DNAH5: variants seen among roughly 807,000 people sequenced by gnomAD.
The protein encoded by DNAH5 is axonemal beta dynein heavy chain 5.
A neutral mutation model predicts 518.2 loss-of-function variants in DNAH5; 372 were observed. The observed-to-expected ratio is 0.72, with a 90% CI of 0.66 to 0.78. The LOEUF (loss-of-function observed/expected upper bound fraction) is 0.78. DNAH5 is among the 30% of genes least tolerant of loss of function. The pLI is 0.00. For synonymous variants in DNAH5, 2,039 were observed against 2,025.9 expected, an observed-to-expected ratio of 1.01 and a Z score of -0.17; for missense variants, 5,523 against 5,687.0, an observed-to-expected ratio of 0.97 and a Z score of 0.93.
intron 52 of DNAH5, among the ~76,000 whole-genome samples, chr5:13,782,416 C>A (rs1037430498): frequency 1.3e-5 from 2 of 152,188 alleles, no homozygotes; most frequent in African/African-American, 2.4e-5. Flanking sequence ...TGAGAACCTG[C>A]AGGACTGGTA....
chr5:13,872,052 G>T (rs1029735776), intron 22 of DNAH5, among the ~76,000 whole-genome samples: 3 of 152,164 alleles, frequency 2.0e-5, no homozygotes, highest in African/African-American at 4.8e-5. Context: ...GGCCCTCTTG[G>T]TTGGAGCTGG....
chr5:13,702,952 G>A (rs994979246), intron 76 of DNAH5, among the ~76,000 whole-genome samples: 8 of 151,802 alleles, frequency 5.3e-5, no homozygotes, highest in African/African-American at 1.7e-4. Flanking sequence ...ACGTCTGTAG[G>A]CTGCCCTCTC....
Position 13,811,712 on chromosome 5 carries a change from C to G in DNAH5, c.7342G>C (p.Glu2448Gln), listed in dbSNP as rs1174816983. The G allele has an allele frequency of 6.2e-7, 1 of 1,614,154 alleles. No homozygotes were observed. The highest frequency in any genetic ancestry group is 1.7e-5 in the Admixed American group (1 of 60,016). The change falls in exon 44 of 79, where the codon GAG becomes CAG. Residue 2448 changes from glutamate to glutamine, a missense_variant. By Grantham distance (29) the Glu-to-Gln change is conservative (BLOSUM62 2). Transcript: ENST00000265104. The part of the protein sequence containing the change: ...FCIQNLEYKM[E>Q]VLEAFVITQS... ...GTGATGACAAAGGCCTCCAGCACCT[C>G]CATCTTGTATTCTAAGTTCTGGATA...
intron 42 of DNAH5, among the ~76,000 whole-genome samples, chr5:13,816,411 G>A (rs982033001): frequency 3.3e-5 from 5 of 152,054 alleles, no homozygotes; most frequent in Admixed American, 2.0e-4. Flanking sequence ...TGCAACAACC[G>A]TGGGATAGTC....
intron 29 of DNAH5, among the ~76,000 whole-genome samples, chr5:13,860,811 T>A (rs534108430): frequency 6.6e-6 from 1 of 152,370 alleles, no homozygotes; most frequent in East Asian, 1.9e-4. Context: ...CCTACCTTTG[T>A]GTCTCTTCTT....
In DNAH5 at chr5:13,793,709, C is replaced by T. The variant is rs886043448; in HGVS notation, c.8030G>A (p.Arg2677Gln). 6.2e-6 allele frequency: 10 copies of T among 1,613,920 alleles called. No individual in the cohort carries two copies. The highest frequency in any genetic ancestry group is 1.3e-5 in the African/African-American group (1 of 74,906). The change falls in exon 49 of 79, where the codon CGA (arginine) becomes CAA (glutamine). Residue 2677 changes from arginine to glutamine, a missense_variant. By Grantham distance (43) the Arg-to-Gln change is conservative (BLOSUM62 1). This residue lies in a region of DNAH5 where 5,121 missense variants were observed against 5,223.3 expected (regional missense o/e 0.98). Coordinates refer to ENST00000265104, the MANE Select transcript of DNAH5 (RefSeq NM_001369.3). ...GAATCCATTTTGTTCCATCAGCTGT[C>T]GCACTATCTCATTCGTAACCTACAA... The part of the protein sequence containing the change: ...WGDQVTNEIV[R>Q]QLMEQNGFYN...
In DNAH5 at chr5:13,786,314, T is replaced by C. The variant is rs553405333; in HGVS notation, c.8685A>G (p.Lys2895=). 3.0e-5 allele frequency: 49 copies of C among 1,614,082 alleles called. No individual in the cohort carries two copies. The highest frequency in any genetic ancestry group is 4.0e-5 in the Non-Finnish European group (47 of 1,180,026). ...TAAAAGATTCAATTGGCTCATAAAT[T>C]TTAGGTGTTTCAGCATCAGCCTCTT... ...TSEEADAETP[K]IYEPIESFSH... The change falls in exon 52 of 79, where the codon AAA becomes AAG. Residue 2895 remains lysine (K), a synonymous_variant. Coordinates refer to ENST00000265104, the MANE Select transcript of DNAH5 (RefSeq NM_001369.3).
chr5:13,935,692 A>G (rs1025527810), intron 1 of DNAH5, among the ~76,000 whole-genome samples: 1 of 152,182 alleles, frequency 6.6e-6, no homozygotes, highest in East Asian at 1.9e-4. Flanking sequence ...ACAAATATTT[A>G]GCAATTAGAA....
At chr5:13,735,353 C>A in intron 67 of DNAH5, 32 bp from the exon 68 acceptor site, 1 of 1,592,476 alleles carries the variant, frequency 6.3e-7, no homozygotes, top group South Asian at 1.1e-5. Flanking sequence ...TCAGGCTTAT[C>A]CCACTGCCCT....
At chr5:13,915,075 G>A (rs942501659) in intron 9 of DNAH5, among the ~76,000 whole-genome samples, 3 of 152,086 alleles carry the variant, frequency 2.0e-5, no homozygotes, top group Non-Finnish European at 4.4e-5. Context: ...AAAGGAGAAG[G>A]CCGCAGAGAG....
rs36092508 is a variant in DNAH5, at chr5:13,769,247, GTT to G, written c.9721-113_9721-112del. The G allele has an allele frequency of 0.034, 25,071 of 735,682 alleles. 5 individuals carry two copies. The highest frequency in any genetic ancestry group is 0.04 in the Middle Eastern group (95 of 2,404). The allele number at this position is 735,682 out of a possible 1,614,324, so 45.6% of individuals were successfully genotyped here. ...TTTTGTTCACTTACCCAGTTTTGTT[GTT>G]TTTTTTTTTTTTTTTTGAGATGGAG... On this transcript the variant is annotated intron_variant, in intron 57 of 78. Coordinates refer to ENST00000265104, the MANE Select transcript of DNAH5 (RefSeq NM_001369.3).
chr5:13,911,332 G>T, intron 12 of DNAH5, 54 bp downstream of exon 12: 2 of 1,423,054 alleles, frequency 1.4e-6, no homozygotes, highest in Admixed American at 1.7e-5. Flanking sequence ...GCATTATACA[G>T]AAAGGAAAAA....
chr5:13,975,798 T>TG (rs1339232094), intron 1 of DNAH5, among the ~76,000 whole-genome samples: 1 of 152,248 alleles, frequency 6.6e-6, no homozygotes, highest in Non-Finnish European at 1.5e-5. Flanking sequence ...CCCAGACTCC[T>TG]GTGCAGCTAT....
intron 1 of DNAH5, among the ~76,000 whole-genome samples, chr5:13,985,812 G>T (rs1783014983): frequency 6.6e-6 from 1 of 152,076 alleles, no homozygotes; most frequent in Non-Finnish European, 1.5e-5. Flanking sequence ...TTAACAACAG[G>T]ATGCCCATGA....
At chr5:13,910,861 A>C in intron 12 of DNAH5, among the ~76,000 whole-genome samples, 1 of 152,232 alleles carries the variant, frequency 6.6e-6, no homozygotes, top group Non-Finnish European at 1.5e-5. Flanking sequence ...TGCTCATGTG[A>C]GCTGCAAGGC....
rs483353127 is a variant in DNAH5 at position 13,917,246 on chromosome 5, T to C, written c.986A>G (p.Glu329Gly). The C allele has an allele frequency of 1.7e-5, 27 of 1,613,424 alleles. No homozygotes were observed. In the Middle Eastern group the frequency reaches 2.5e-3, roughly 147 times the overall value. The change falls in exon 8 of 79, where the codon GAG (glutamate) becomes GGG (glycine). Residue 329 changes from glutamate (E) to glycine (G), a missense_variant. This residue lies in a region of DNAH5 where 5,121 missense variants were observed against 5,223.3 expected (regional missense o/e 0.98). Coordinates refer to ENST00000265104, the MANE Select transcript of DNAH5 (RefSeq NM_001369.3). Reference protein sequence around the residue: ...AKSKLLKTWREMDIRITDATN... With the variant: ...AKSKLLKTWRGMDIRITDATN... ...TGCATCAGTGATTCGAATATCCATC[T>C]CCCGCCAAGTCTAAGCACAATAGGG...
chr5:13,755,379 C>G lies in DNAH5; in HGVS notation c.10420-1041G>C, dbSNP rs371793611. Among the ~76,000 whole-genome samples the G allele has an allele frequency of 1.4e-4, 21 of 151,822 alleles. No individual in the cohort carries two copies. The South Asian group carries it at 3.1e-3, about 23-fold the overall frequency. On this transcript the variant is annotated intron_variant, in intron 61 of 78. Transcript: ENST00000265104. ...AAAATCCTATAAAAATTTTTATGAC[C>G]AAGAAAGCAGATCACAATATATTGT...
At chr5:13,885,934 A>G in intron 18 of DNAH5, 30 bp downstream of exon 18, 1 of 1,601,980 alleles carries the variant, frequency 6.2e-7, no homozygotes, top group South Asian at 1.1e-5. Context: ...TCATAGAAAA[A>G]CAAGACCCTT....
chr5:13,693,433 T>C (rs937701496), intron 78 of DNAH5, among the ~76,000 whole-genome samples: 1 of 152,236 alleles, frequency 6.6e-6, no homozygotes, highest in Admixed American at 6.5e-5. Flanking sequence ...CCTGTGTTTT[T>C]ACATATCCAC....
Sources: gnomAD v4.1 joint callset for allele counts (sites outside exome capture counted in the v4.1 genomes callset) on GRCh38, gnomAD v4.1.1 for gene constraint, gnomAD v4.1.1 regional missense constraint, MANE v1.5 for transcripts, NCBI Gene and HGNC (gene_info 2026-07-23, HGNC 2026-07-21) for gene names.